TOX: variants seen among roughly 807,000 people sequenced by gnomAD.
The protein encoded by TOX is thymocyte selection associated high mobility group box.
Under a neutral mutation model 53.7 loss-of-function variants are expected in TOX, and 11 were observed. The observed-to-expected ratio is 0.20, with a 90% CI of 0.13 to 0.34. TOX has a LOEUF of 0.34. Among genes scored for constraint, TOX ranks in the 10% least tolerant of loss-of-function variants. TOX has a pLI of 1.00. For missense variants in TOX, 570 were observed against 664.6 expected, an observed-to-expected ratio of 0.86 and a Z score of 1.56; for synonymous variants, 225 against 245.3, an observed-to-expected ratio of 0.92 and a Z score of 0.77.
chr8:58,840,946 C>T (rs1461384007), intron 4 of TOX, among the ~76,000 whole-genome samples: 1 of 152,148 alleles, frequency 6.6e-6, no homozygotes, highest in Non-Finnish European at 1.5e-5. Context: ...CCTCACTGGC[C>T]CTTGATGTTT....
intron 1 of TOX, among the ~76,000 whole-genome samples, chr8:58,975,721 T>A (rs1250384710): frequency 1.3e-5 from 2 of 152,174 alleles, no homozygotes; most frequent in African/African-American, 4.8e-5. Flanking sequence ...TGTTGATGAC[T>A]GCTGACTGAT....
chr8:58,992,180 A>G (rs1430006170), intron 1 of TOX: 1 of 152,212 alleles, frequency 6.6e-6, no homozygotes, highest in Admixed American at 6.5e-5. Context: ...AGAGGCTGCA[A>G]CTGAGAAAGA....
chr8:59,030,064 C>G (rs1335023838), intron 1 of TOX, among the ~76,000 whole-genome samples: 2 of 152,046 alleles, frequency 1.3e-5, no homozygotes, highest in East Asian at 1.9e-4. Context: ...CCTTAATGAA[C>G]CCCGCTGATT....
In TOX at chr8:58,808,173, A is replaced by C. The variant is rs772077914; in HGVS notation, c.1489T>G (p.Cys497Gly). ...ACCGGTTGTGGGGGAGGATTTCTGCACCCCGAACGCACATACTCCATTGCC... is the reference window on the plus strand; with the variant it reads ...ACCGGTTGTGGGGGAGGATTTCTGCCCCCCGAACGCACATACTCCATTGCC... ...TQAMEYVRSG[C>G]RNPPPQPVDW... is the part of the protein sequence containing the mutation. Residue 497 changes from cysteine (C) to glycine (G), a missense_variant, in exon 8 of 9, where the codon TGC becomes GGC. Cys to Gly is a radical substitution (Grantham distance 159). Transcript: ENST00000361421. 4 of 1,614,100 alleles carry C rather than the reference A, an allele frequency of 2.5e-6. No homozygotes were observed. Among genetic ancestry groups the C allele is most frequent in the Non-Finnish European group, 3.4e-6 (4 of 1,179,984 alleles).
intron 3 of TOX, among the ~76,000 whole-genome samples, chr8:58,908,181 A>T (rs1436515005): frequency 6.6e-6 from 1 of 152,130 alleles, no homozygotes; most frequent in African/African-American, 2.4e-5. Context: ...ATCAATTGTG[A>T]TTTGTTAAAG....
At chr8:59,021,896 A>G (rs1814143775) in intron 1 of TOX, among the ~76,000 whole-genome samples, 1 of 152,188 alleles carries the variant, frequency 6.6e-6, no homozygotes, top group Non-Finnish European at 1.5e-5. Context: ...TTGTGGATCT[A>G]TAACAGAAGA....
At chr8:58,969,731 A>AT (rs1393117413) in intron 1 of TOX, among the ~76,000 whole-genome samples, 7 of 151,782 alleles carry the variant, frequency 4.6e-5, no homozygotes, top group African/African-American at 1.5e-4. Context: ...CTCCTGTTTG[A>AT]TTTTTTATAG....
At chr8:58,836,944 G>A (rs555967936) in intron 5 of TOX, among the ~76,000 whole-genome samples, 1 of 152,220 alleles carries the variant, frequency 6.6e-6, no homozygotes, top group East Asian at 1.9e-4. Flanking sequence ...AATTTATATG[G>A]CCCCATTTTG....
intron 1 of TOX, among the ~76,000 whole-genome samples, chr8:58,982,140 C>T (rs1009251746): frequency 3.3e-5 from 5 of 152,100 alleles, no homozygotes; most frequent in African/African-American, 1.2e-4. Context: ...CTTGAAGTTG[C>T]GTGCTGTCTT....
intron 1 of TOX, among the ~76,000 whole-genome samples, chr8:59,073,241 T>G (rs1804231939): frequency 6.6e-6 from 1 of 152,172 alleles, no homozygotes; most frequent in African/African-American, 2.4e-5. Context: ...TGCGCTTCTG[T>G]TTATCATCTT....
intron 1 of TOX, among the ~76,000 whole-genome samples, chr8:58,975,271 C>CAG (rs373607496): frequency 0.091 from 13,509 of 148,966 alleles, 649 homozygotes; most frequent in Middle Eastern, 0.14. Context: ...CACCCCCACA[C>CAG]AGAGAGAGAG....
intron 1 of TOX, among the ~76,000 whole-genome samples, chr8:59,105,170 A>T (rs1804878531): frequency 6.6e-6 from 1 of 152,186 alleles, no homozygotes; most frequent in South Asian, 2.1e-4. Context: ...ATCCCTATGC[A>T]AATATTTGTA....
chr8:59,087,275 C>T (rs1307368889), intron 1 of TOX, among the ~76,000 whole-genome samples: 3 of 152,088 alleles, frequency 2.0e-5, no homozygotes, highest in East Asian at 1.9e-4. Context: ...TGAATTTTGC[C>T]TTCTGATTTA....
rs374961431 is a variant in TOX, at chr8:58,809,023, G to A, written c.1393-754C>T. On this transcript the variant is annotated intron_variant, in intron 7 of 8. Transcript: ENST00000361421. ...TGAAGTGTTGACTTTTAATCCTAGC[G>A]AAGCTATTAAAAATTCAAGGACAGA... 5.3e-5 allele frequency among the ~76,000 whole-genome samples: 8 copies of A among 152,300 alleles called. No homozygotes were observed. In the East Asian group the frequency reaches 7.7e-4, roughly 15 times the overall value.
intron 1 of TOX, among the ~76,000 whole-genome samples, chr8:59,104,105 T>C (rs1466148070): frequency 3.3e-5 from 5 of 152,204 alleles, no homozygotes; most frequent in Non-Finnish European, 5.9e-5. Context: ...TTTCAACATG[T>C]GAGTCCGCCC....
intron 1 of TOX, among the ~76,000 whole-genome samples, chr8:59,008,893 C>T (rs527899652): frequency 6.6e-6 from 1 of 152,296 alleles, no homozygotes; most frequent in Non-Finnish European, 1.5e-5. Flanking sequence ...AGCTATAAAC[C>T]ACTTTTTTCG....
At chr8:59,068,887 T>G (rs966060551) in intron 1 of TOX, among the ~76,000 whole-genome samples, 1 of 152,108 alleles carries the variant, frequency 6.6e-6, no homozygotes, top group Non-Finnish European at 1.5e-5. Context: ...GGTCTAGCAA[T>G]GCAGGAAGGG....
intron 1 of TOX, among the ~76,000 whole-genome samples, chr8:59,078,867 A>G (rs1475392139): frequency 2.0e-5 from 3 of 152,254 alleles, no homozygotes; most frequent in Non-Finnish European, 4.4e-5. Context: ...TGACGGAGAT[A>G]GAGACAATGA....
rs1805137191 is a variant in TOX, at chr8:59,118,030, C to T, written c.102+856G>A. Among the ~76,000 whole-genome samples the T allele has an allele frequency of 6.6e-6, 1 of 152,178 alleles. No homozygotes were observed. The highest frequency in any genetic ancestry group is 1.9e-4 in the East Asian group (1 of 5,178). On this transcript the variant is annotated intron_variant, in intron 1 of 8. Coordinates refer to ENST00000361421, the MANE Select transcript of TOX (RefSeq NM_014729.3). This position sits in a 1 kb window ranked among gnomAD's most constrained non-coding sequence, Gnocchi z 4.1. ...TGACTGTCCTATAGGTGGACCCAGC[C>T]GAACTCCGCAGCAGCCCAGGCCAGC...
Sources: allele counts gnomAD v4.1 joint callset (sites outside exome capture counted in the v4.1 genomes callset), GRCh38; gene constraint gnomAD v4.1.1; non-coding constraint Gnocchi (gnomAD v3.1); transcripts MANE v1.5; gene names NCBI Gene and HGNC (gene_info 2026-07-23, HGNC 2026-07-21).